Variants in PTPRM observed in about 807,000 individuals in gnomAD.
The protein encoded by PTPRM is protein tyrosine phosphatase receptor type M, also known as receptor-type tyrosine-protein phosphatase mu.
In PTPRM, 47 loss-of-function variants were observed where a neutral mutation model predicts 186.7. The observed-to-expected ratio is 0.25, with a 90% CI of 0.20 to 0.32. The LOEUF (loss-of-function observed/expected upper bound fraction) is 0.32, where lower values mean the gene tolerates loss of function less well. Among genes scored for constraint, PTPRM ranks in the 10% least tolerant of loss-of-function variants. The pLI is 1.00. For missense variants in PTPRM, 1,494 were observed against 1,865.0 expected, an observed-to-expected ratio of 0.80 and a Z score of 3.66; for synonymous variants, 668 against 674.9, an observed-to-expected ratio of 0.99 and a Z score of 0.16.
At position 8,406,161 on chromosome 18, in the gene PTPRM, G is replaced by C; in HGVS notation, c.4397G>C (p.Ter1466SerextTer59). Residue 1466 changes from the stop codon to serine, a stop_lost, in exon 33 of 33, where the codon TGA becomes TCA. Transcript: ENST00000580170. ...EVALEYLNSG[*>S] ...GCCCTGGAATACTTGAATTCTGGCT[G>C]ATGGTGTAAACAGCTCTGCAAACAA... is the stretch of plus-strand genomic sequence containing the variant. 2 of 1,613,982 alleles carry C rather than the reference G, an allele frequency of 1.2e-6. No individual in the cohort carries two copies. The highest frequency in any genetic ancestry group is 1.7e-6 in the Non-Finnish European group (2 of 1,179,874).
At chr18:8,227,389 A>C (rs2094226928) in intron 14 of PTPRM, among the ~76,000 whole-genome samples, 1 of 151,922 alleles carries the variant, frequency 6.6e-6, no homozygotes, top group Non-Finnish European at 1.5e-5. Flanking sequence ...TCACACATAA[A>C]TTAATCAGCA....
chr18:8,198,372 C>A (rs2093808325), intron 14 of PTPRM, among the ~76,000 whole-genome samples: 1 of 152,142 alleles, frequency 6.6e-6, no homozygotes, highest in African/African-American at 2.4e-5. Context: ...TGGTCTCAAA[C>A]TCCTAGGCTA....
intron 1 of PTPRM, among the ~76,000 whole-genome samples, chr18:7,756,666 A>G (rs2041507129): frequency 6.6e-6 from 1 of 152,198 alleles, no homozygotes; most frequent in Non-Finnish European, 1.5e-5. Flanking sequence ...CTATGATTGT[A>G]TATAACAATT....
At chr18:7,654,234 T>C (rs1037469995) in intron 1 of PTPRM, among the ~76,000 whole-genome samples, 2 of 152,192 alleles carry the variant, frequency 1.3e-5, no homozygotes, top group African/African-American at 4.8e-5. Context: ...TCAGATAATA[T>C]AGCTTGCAAA....
At chr18:7,945,125 C>T (rs1015505863) in intron 5 of PTPRM, among the ~76,000 whole-genome samples, 1 of 151,988 alleles carries the variant, frequency 6.6e-6, no homozygotes, top group Non-Finnish European at 1.5e-5. Flanking sequence ...CACTCAGCCC[C>T]CTCACCATGT....
chr18:7,885,107 A>C (rs10164118), intron 2 of PTPRM, among the ~76,000 whole-genome samples: 5,857 of 152,024 alleles, frequency 0.039, 134 homozygotes, highest in Middle Eastern at 0.11. Context: ...AGACCCCATG[A>C]GACCATCCTT....
At chr18:8,040,054 A>AAGT (rs2086595028) in intron 7 of PTPRM, among the ~76,000 whole-genome samples, 1 of 152,184 alleles carries the variant, frequency 6.6e-6, no homozygotes, top group Non-Finnish European at 1.5e-5. Context: ...TTTACCAAAG[A>AAGT]AGTAGTCATT....
At chr18:7,638,160 A>G (rs1471097037) in intron 1 of PTPRM, among the ~76,000 whole-genome samples, 1 of 152,168 alleles carries the variant, frequency 6.6e-6, no homozygotes, top group Non-Finnish European at 1.5e-5. Flanking sequence ...TACCCTAAAC[A>G]CTGAGATAGT....
In PTPRM at chr18:8,121,605, C is replaced by T. The variant is rs182981718; in HGVS notation, c.2167+6778C>T. On this transcript the variant is annotated intron_variant, in intron 13 of 32. Transcript: ENST00000580170. ...CTATAGCAAAGGCAATTCGTAGTTTCTATTCTTTTCCAACCAATACTTGGA... is the reference window on the plus strand; with the variant it reads ...CTATAGCAAAGGCAATTCGTAGTTTTTATTCTTTTCCAACCAATACTTGGA... 5.4e-3 allele frequency among the ~76,000 whole-genome samples: 817 copies of T among 152,276 alleles called. 1 individual carries two copies. The highest frequency in any genetic ancestry group is 0.019 in the African/African-American group (780 of 41,554).
chr18:7,782,096 T>G (rs2042885113), intron 2 of PTPRM, among the ~76,000 whole-genome samples: 1 of 152,180 alleles, frequency 6.6e-6, no homozygotes. Context: ...TTACAAAATT[T>G]AGAAAAATAA....
chr18:8,265,673 C>G lies in PTPRM; in HGVS notation c.2754+12259C>G, dbSNP rs150191144. On this transcript the variant is annotated intron_variant, in intron 19 of 32. Transcript: ENST00000580170. ...ACCAGTTGAAAAGTCAATTTTTTTT[C>G]AAATAACAGTGCTGTGTTATAGAAA... 5.1e-3 allele frequency among the ~76,000 whole-genome samples: 772 copies of G among 152,014 alleles called. 6 individuals are homozygous for G. Among genetic ancestry groups the G allele is most frequent in the African/African-American group, 0.018 (727 of 41,478 alleles).
chr18:7,895,961 T>G (rs2049333451), intron 3 of PTPRM, among the ~76,000 whole-genome samples: 1 of 152,216 alleles, frequency 6.6e-6, no homozygotes, highest in Non-Finnish European at 1.5e-5. Context: ...CTATTTATGG[T>G]AGAATAGTAT....
chr18:7,664,310 G>A (rs536137492), intron 1 of PTPRM, among the ~76,000 whole-genome samples: 48 of 152,290 alleles, frequency 3.2e-4, no homozygotes, highest in Middle Eastern at 3.4e-3. Flanking sequence ...GATTACGCAG[G>A]AGCTAAGGAT....
chr18:8,253,207 C>G lies in PTPRM; in HGVS notation c.2567-20C>G. 7.2e-7 allele frequency: 1 copy of G among 1,385,902 alleles called. No homozygotes were observed. 85.9% of individuals were successfully genotyped at this position (1,385,902 alleles called of 1,614,324 possible). On this transcript the variant is annotated intron_variant, in intron 18 of 32. Transcript: ENST00000580170. ...GCTCCCTGGCTCTCCCTCATTTTCT[C>G]CCTGGCCTTCTTTTCCTAGATGAAA...
At chr18:8,042,165 A>G (rs943787878) in intron 7 of PTPRM, among the ~76,000 whole-genome samples, 2 of 151,974 alleles carry the variant, frequency 1.3e-5, no homozygotes, top group African/African-American at 2.4e-5. Context: ...GAAAAAATAT[A>G]TACTGAGTGA....
chr18:8,018,489 C>T (rs530893102), intron 7 of PTPRM, among the ~76,000 whole-genome samples: 5 of 151,866 alleles, frequency 3.3e-5, no homozygotes, highest in African/African-American at 4.8e-5. Flanking sequence ...TGCTGATGGA[C>T]AGGAAATGAA....
intron 2 of PTPRM, among the ~76,000 whole-genome samples, chr18:7,871,819 G>T (rs1185020814): frequency 6.6e-6 from 1 of 152,182 alleles, no homozygotes; most frequent in Admixed American, 6.5e-5. Context: ...TAAGAATGGG[G>T]CTTGAGTTAT....
At chr18:8,333,622 A>G (rs754780339) in intron 22 of PTPRM, among the ~76,000 whole-genome samples, 2 of 152,222 alleles carry the variant, frequency 1.3e-5, no homozygotes, top group Non-Finnish European at 2.9e-5. Flanking sequence ...AACAGGAGCA[A>G]TCATGGATCA....
intron 23 of PTPRM, among the ~76,000 whole-genome samples, chr18:8,357,941 T>C (rs1484871687): frequency 6.6e-6 from 1 of 152,216 alleles, no homozygotes; most frequent in Non-Finnish European, 1.5e-5. Flanking sequence ...TCCAATCTTA[T>C]TGAAGGCTTA....
Sources: gnomAD v4.1 joint callset for allele counts (sites outside exome capture counted in the v4.1 genomes callset) on GRCh38, gnomAD v4.1.1 for gene constraint, MANE v1.5 for transcripts, NCBI Gene and HGNC (gene_info 2026-07-23, HGNC 2026-07-21) for gene names.